The following CHM variants were observed in gnomAD, a reference collection of about 807,000 sequenced individuals.
CHM encodes the protein rab proteins geranylgeranyltransferase component A 1.
In CHM, 10 loss-of-function variants were observed where a neutral mutation model predicts 49.0. The observed-to-expected ratio is 0.20, with a 90% CI of 0.13 to 0.35. The LOEUF (loss-of-function observed/expected upper bound fraction) is 0.35. CHM is among the 10% of genes least tolerant of loss of function. CHM has a pLI of 1.00. For missense variants in CHM, 455 were observed against 478.4 expected (o/e 0.95, Z 0.46); for synonymous variants, 184 against 167.5 (o/e 1.10, Z -0.76).
chrX:85,963,190 C>T (rs1308186665), intron 5 of CHM, among the ~76,000 whole-genome samples: 1 of 111,469 alleles, frequency 9.0e-6, no homozygotes, highest in Non-Finnish European at 1.9e-5. Context: ...CCCCCAACCC[C>T]GACAGGCCCT....
chrX:86,005,802 A>G (rs980443406), intron 2 of CHM, among the ~76,000 whole-genome samples: 3 of 111,912 alleles, frequency 2.7e-5, no homozygotes, highest in African/African-American at 9.8e-5. Flanking sequence ...GTCCAGGACC[A>G]GATGGATTCA....
At chrX:85,962,505 T>C (rs1415451690) in intron 5 of CHM, among the ~76,000 whole-genome samples, 1 of 112,230 alleles carries the variant, frequency 8.9e-6, no homozygotes, top group Non-Finnish European at 1.9e-5. Flanking sequence ...TATGAGGATA[T>C]GGGATTTGCA....
At chrX:85,924,773 A>G (rs1927989691) in intron 8 of CHM, among the ~76,000 whole-genome samples, 1 of 111,698 alleles carries the variant, frequency 9.0e-6, no homozygotes, top group Non-Finnish European at 1.9e-5. Flanking sequence ...CCACTCAAGG[A>G]AAAGGTTGTG....
intron 2 of CHM, among the ~76,000 whole-genome samples, chrX:86,026,407 A>C (rs1157114478): frequency 9.1e-6 from 1 of 110,024 alleles, no homozygotes; most frequent in Non-Finnish European, 1.9e-5. Context: ...GCTGGGTTAC[A>C]GGCATGAGCC....
rs1923427845 is a variant in CHM, at chrX:85,862,707, T to G, written c.*1923A>C. ...AGGCTAGTAAGTTAAGTTCTTCCATTACTCTGGCTTGAACTATATCTGCAG... is the reference window on the plus strand; with the variant it reads ...AGGCTAGTAAGTTAAGTTCTTCCATGACTCTGGCTTGAACTATATCTGCAG... On this transcript the variant is annotated 3_prime_UTR_variant, in exon 15 of 15. Coordinates refer to ENST00000357749, the MANE Select transcript of CHM (RefSeq NM_000390.4). 9.0e-6 allele frequency: 1 copy of G among 111,506 alleles called. No individual in the cohort carries two copies. Among genetic ancestry groups the G allele is most frequent in the Admixed American group, 9.6e-5 (1 of 10,462 alleles). The allele number at this position is 111,506 out of a possible 1,213,427, so 9.2% of individuals were successfully genotyped here.
chrX:86,010,393 A>T (rs948286998), intron 2 of CHM, among the ~76,000 whole-genome samples: 1 of 109,454 alleles, frequency 9.1e-6, no homozygotes, highest in African/African-American at 3.3e-5. Flanking sequence ...GGTGAAATTC[A>T]AATAAGGTCT....
At chrX:85,936,778 C>T (rs961650545) in intron 8 of CHM, among the ~76,000 whole-genome samples, 1 of 111,857 alleles carries the variant, frequency 8.9e-6, no homozygotes, top group Non-Finnish European at 1.9e-5. Context: ...CACACGGAAA[C>T]CCAGCAAGTA....
chrX:85,864,218 G>A lies in CHM; in HGVS notation c.*412C>T. On this transcript the variant is annotated 3_prime_UTR_variant, in exon 15 of 15. Coordinates refer to ENST00000357749, the MANE Select transcript of CHM (RefSeq NM_000390.4). Reference sequence around the variant, plus strand: ...ATGTTATGATGCTCTTGTCCATAAAGAAAATAAAATTCAAATAACCAAAGA... The same window carrying A: ...ATGTTATGATGCTCTTGTCCATAAAAAAAATAAAATTCAAATAACCAAAGA... 1 of 159,427 alleles carries A rather than the reference G, an allele frequency of 6.3e-6. No individual in the cohort carries two copies. The highest frequency in any genetic ancestry group is 1.4e-4 in the South Asian group (1 of 7,085). The allele number at this position is 159,427 out of a possible 1,213,427, so 13.1% of individuals were successfully genotyped here. A position where few individuals can be genotyped will look rare whatever the true frequency, so the allele number is the denominator to read the frequency against.
At chrX:85,932,813 C>A (rs1928515206) in intron 8 of CHM, among the ~76,000 whole-genome samples, 1 of 111,470 alleles carries the variant, frequency 9.0e-6, no homozygotes, top group Admixed American at 9.6e-5. Context: ...AAGAGTGAGG[C>A]CTAACCTCAC....
intron 2 of CHM, among the ~76,000 whole-genome samples, chrX:85,982,733 GGTTTT>G (rs1422993361): frequency 5.0e-4 from 56 of 111,383 alleles, no homozygotes; most frequent in African/African-American, 1.7e-3. Flanking sequence ...AGGGATTCTT[GGTTTT>G]GTTTCCATTT....
At chrX:85,961,418 C>CAAAAAAA (rs1204463688) in intron 5 of CHM, among the ~76,000 whole-genome samples, 1 of 24,360 alleles carries the variant, frequency 4.1e-5, no homozygotes, top group African/African-American at 1.4e-4. Flanking sequence ...GACTCTGTCT[C>CAAAAAAA]AAAAAAAAAA....
At position 86,020,913 on chromosome X, in the gene CHM, GAT is replaced by G. The variant is rs201483592; in HGVS notation, c.116+6576_116+6577del. ...ATATATATGATAGATACATACATCTGATATATATATCTTATATATCAGAGATA... is the reference window on the plus strand; with the variant it reads ...ATATATATGATAGATACATACATCTGATATATATCTTATATATCAGAGATA... On this transcript the variant is annotated intron_variant, in intron 2 of 14. Transcript: ENST00000357749. 7.4e-4 allele frequency among the ~76,000 whole-genome samples: 72 copies of G among 97,628 alleles called. No homozygotes were observed. In the East Asian group the frequency reaches 0.02, roughly 27 times the overall value. The allele number at this position is 97,628 out of a possible 115,157, so 84.8% of individuals were successfully genotyped here.
chrX:85,891,881 C>T (rs369238853), intron 12 of CHM, among the ~76,000 whole-genome samples: 1 of 111,899 alleles, frequency 8.9e-6, no homozygotes, highest in Non-Finnish European at 1.9e-5. Context: ...GCAGGATATA[C>T]CCTGCAAAGC....
intron 2 of CHM, among the ~76,000 whole-genome samples, chrX:86,007,159 A>G (rs964264024): frequency 2.7e-5 from 3 of 112,271 alleles, no homozygotes; most frequent in Non-Finnish European, 5.6e-5. Context: ...AGAAATGGGG[A>G]AAGCATTCCC....
intron 12 of CHM, among the ~76,000 whole-genome samples, chrX:85,881,612 C>T (rs945231798): frequency 1.8e-4 from 20 of 111,665 alleles, no homozygotes; most frequent in African/African-American, 6.2e-4. Context: ...TGCAGAGTGT[C>T]TGCCTTTAGT....
At chrX:86,006,007 A>C (rs1402875500) in intron 2 of CHM, among the ~76,000 whole-genome samples, 1 of 111,818 alleles carries the variant, frequency 8.9e-6, no homozygotes, top group Non-Finnish European at 1.9e-5. Context: ...CGATGAAAAA[A>C]TCCTCAATAA....
chrX:86,013,472 G>T (rs1933161900), intron 2 of CHM, among the ~76,000 whole-genome samples: 1 of 111,706 alleles, frequency 9.0e-6, no homozygotes, highest in African/African-American at 3.3e-5. Context: ...GGTGGCTCAT[G>T]CCTGTAATCC....
intron 4 of CHM, chrX:85,971,101 A>G: frequency 1.1e-5 from 7 of 635,167 alleles, no homozygotes; most frequent in Non-Finnish European, 1.3e-5. Context: ...ATATAAATAC[A>G]CCCTATATAT....
intron 2 of CHM, among the ~76,000 whole-genome samples, chrX:86,004,034 G>A (rs1932800752): frequency 8.9e-6 from 1 of 112,298 alleles, no homozygotes; most frequent in Non-Finnish European, 1.9e-5. Context: ...TACCCACAAA[G>A]GGAAGCCCAT....
Sources: gnomAD v4.1 joint callset for allele counts (sites outside exome capture counted in the v4.1 genomes callset) on GRCh38, gnomAD v4.1.1 for gene constraint, MANE v1.5 for transcripts, NCBI Gene and HGNC (gene_info 2026-07-23, HGNC 2026-07-21) for gene names.